CCDC117: variants seen among roughly 807,000 people sequenced by gnomAD.
CCDC117 encodes coiled-coil domain-containing protein 117.
In CCDC117, 1 loss-of-function variant was observed where a neutral mutation model predicts 23.5. That is an observed-to-expected ratio of 0.04 (90% CI 0.02 to 0.20). The LOEUF is 0.20. CCDC117 is among the 10% of genes least tolerant of loss of function. CCDC117 has a pLI of 1.00. For synonymous variants in CCDC117, 132 were observed against 124.8 expected (o/e 1.06, Z -0.39); for missense variants, 383 against 348.2 (o/e 1.10, Z -0.80).
chr22:28,775,458 T>TA (rs1415310339), intron 2 of CCDC117, among the ~76,000 whole-genome samples: 2 of 152,230 alleles, frequency 1.3e-5, no homozygotes, highest in Non-Finnish European at 1.5e-5. Flanking sequence ...TGCTGGGTCT[T>TA]AAAGTGTGTG....
At chr22:28,781,352 T>TTTG (rs2031325292) in intron 3 of CCDC117, among the ~76,000 whole-genome samples, 180 bp downstream of exon 3, 5 of 11,842 alleles carry the variant, frequency 4.2e-4, no homozygotes, top group Non-Finnish European at 6.4e-4. Flanking sequence ...TTTTTTTTTT[T>TTTG]TTTTTTTTTT....
At chr22:28,785,233 G>A (rs2031478103) in intron 4 of CCDC117, among the ~76,000 whole-genome samples, 1 of 151,952 alleles carries the variant, frequency 6.6e-6, no homozygotes, top group African/African-American at 2.4e-5. Context: ...CTGTCACCCA[G>A]GCTGGAGTGT....
Position 28,781,719 on chromosome 22 carries a change from A to G in CCDC117, c.464+547A>G, listed in dbSNP as rs145088883. ...AGTGCAGTGGTGCCATCTTGGCTCA[A>G]TGCAACCTCCACCTCCCGGGTTCAA... is the stretch of plus-strand genomic sequence containing the variant. On this transcript the variant is annotated intron_variant, in intron 3 of 4. Coordinates refer to ENST00000249064, the MANE Select transcript of CCDC117 (RefSeq NM_173510.4). Among the ~76,000 whole-genome samples the G allele has an allele frequency of 6.3e-3, 918 of 146,094 alleles. 11 individuals carry two copies. Among genetic ancestry groups the G allele is most frequent in the African/African-American group, 0.021 (859 of 40,406 alleles).
At chr22:28,786,067 A>T in intron 4 of CCDC117, 22 bp from the exon 5 acceptor site, 2 of 1,553,708 alleles carry the variant, frequency 1.3e-6, no homozygotes, top group Non-Finnish European at 1.7e-6. Context: ...TTTTTGATAA[A>T]AGTCTGTATT....
In CCDC117 at chr22:28,788,455, C is replaced by T. The variant is rs1342548759; in HGVS notation, c.*2129C>T. 1 of 152,316 alleles carries T rather than the reference C, an allele frequency of 6.6e-6. No homozygotes were observed. The highest frequency in any genetic ancestry group is 2.4e-5 in the African/African-American group (1 of 41,436). 9.4% of individuals were successfully genotyped at this position (152,316 alleles called of 1,614,324 possible). A position where few individuals can be genotyped will look rare whatever the true frequency, so the allele number is the denominator to read the frequency against. ...CTTCTACAGGAATTGCTGGGCAGGT[C>T]TCCGACTAAAGGTCTTATGATGAAA... On this transcript the variant is annotated 3_prime_UTR_variant, in exon 5 of 5. Coordinates refer to ENST00000249064, the MANE Select transcript of CCDC117 (RefSeq NM_173510.4).
chr22:28,774,074 T>TG (rs2031086442), intron 2 of CCDC117, among the ~76,000 whole-genome samples: 1 of 146,188 alleles, frequency 6.8e-6, no homozygotes, highest in Admixed American at 6.7e-5. Flanking sequence ...GTTTTTGTTT[T>TG]TTTTTTTTTT....
Position 28,783,616 on chromosome 22 carries a change from AG to A in CCDC117, c.574del (p.Val192PhefsTer6). On this transcript the variant is annotated frameshift_variant, in exon 4 of 5. Transcript: ENST00000249064. LOFTEE classifies it high-confidence loss of function. ...KTGLKREFDEVFTKKMIESMS... is the reference protein window; with the variant it reads ...KTGLKREFDEXFTKKMIESMS... The stretch of plus-strand genomic sequence containing the variant: ...CAGGTTTGAAGAGGGAATTTGATGA[AG>A]TTTTTACAAAGAAAATGATTGAGTC... The A allele has an allele frequency of 6.2e-7, 1 of 1,613,788 alleles. No individual in the cohort carries two copies. The highest frequency in any genetic ancestry group is 8.5e-7 in the Non-Finnish European group (1 of 1,179,822).
intron 4 of CCDC117, among the ~76,000 whole-genome samples, 182 bp from the exon 5 acceptor site, chr22:28,785,907 A>C (rs1212288465): frequency 6.6e-6 from 1 of 150,888 alleles, no homozygotes; most frequent in Non-Finnish European, 1.5e-5. Context: ...TGGACAACAC[A>C]GCAAGACCCC....
chr22:28,784,615 T>G (rs908640291), intron 4 of CCDC117, among the ~76,000 whole-genome samples: 3 of 152,218 alleles, frequency 2.0e-5, no homozygotes, highest in African/African-American at 7.2e-5. Flanking sequence ...AGGTTTTGCA[T>G]TAGGGTCCTA....
At chr22:28,777,345 T>C (rs2031195022) in intron 2 of CCDC117, among the ~76,000 whole-genome samples, 1 of 150,742 alleles carries the variant, frequency 6.6e-6, no homozygotes, top group South Asian at 2.1e-4. Context: ...TTCTATATCT[T>C]AAATTATATT....
chr22:28,786,273 C>A lies in CCDC117; in HGVS notation c.787C>A (p.Leu263Ile), dbSNP rs758902783. The change falls in exon 5 of 5, where the codon CTT becomes ATT. Residue 263 changes from leucine (L) to isoleucine (I), a missense_variant. Physicochemically the swap from Leu to Ile is conservative, Grantham distance 5 (BLOSUM62 2). Coordinates refer to ENST00000249064, the MANE Select transcript of CCDC117 (RefSeq NM_173510.4). Reference sequence around the variant, plus strand: ...GGAACCTCGGCCAACAGGGATGTCTCTTTATAATAGTTTGGAGACAGCTAC... The same window carrying A: ...GGAACCTCGGCCAACAGGGATGTCTATTTATAATAGTTTGGAGACAGCTAC... ...FSEPRPTGMS[L>I]YNSLETATST... 1.2e-5 allele frequency: 20 copies of A among 1,613,996 alleles called. No homozygotes were observed. The highest frequency in any genetic ancestry group is 1.6e-5 in the Non-Finnish European group (19 of 1,180,024).
chr22:28,783,518 G>C lies in CCDC117; in HGVS notation c.475G>C (p.Glu159Gln). The C allele has an allele frequency of 2.5e-6, 4 of 1,612,856 alleles. No homozygotes were observed. In the South Asian group the frequency reaches 4.4e-5, roughly 18 times the overall value. ...LQEIEDRIIDEDEEVEADRNV... is the reference protein window; with the variant it reads ...LQEIEDRIIDQDEEVEADRNV... Reference sequence around the variant, plus strand: ...CCTTAATTGATTTAGGATAATTGATGAAGATGAAGAAGTTGAAGCTGACAG... The same window carrying C: ...CCTTAATTGATTTAGGATAATTGATCAAGATGAAGAAGTTGAAGCTGACAG... Residue 159 changes from glutamate to glutamine, a missense_variant, in exon 4 of 5, where the codon GAA becomes CAA. Physicochemically the swap from Glu to Gln is conservative, Grantham distance 29. Transcript: ENST00000249064.
At chr22:28,773,660 G>A in intron 1 of CCDC117, 65 bp from the exon 2 acceptor site, 3 of 1,309,456 alleles carry the variant, frequency 2.3e-6, no homozygotes, top group Non-Finnish European at 3.3e-6. Flanking sequence ...GAGCAAGAAA[G>A]AGGATACTGA....
At chr22:28,778,002 C>T (rs1026136632) in intron 2 of CCDC117, among the ~76,000 whole-genome samples, 11 of 151,904 alleles carry the variant, frequency 7.2e-5, no homozygotes, top group African/African-American at 9.7e-5. Context: ...CGTGCCACCA[C>T]GCCCGGCAAA....
intron 3 of CCDC117, among the ~76,000 whole-genome samples, 153 bp downstream of exon 3, chr22:28,781,325 TTTTTGTTTTG>T (rs760858945): frequency 1.8e-5 from 2 of 111,564 alleles, no homozygotes; most frequent in South Asian, 3.3e-4. Context: ...CGTTTTTGTT[TTTTTGTTTTG>T]TTTTTTTTTT....
In CCDC117 at chr22:28,773,776, T is replaced by G. The variant is rs752862292; in HGVS notation, c.237T>G (p.Asp79Glu). 8.7e-6 allele frequency: 14 copies of G among 1,612,918 alleles called. No homozygotes were observed. In the East Asian group the frequency reaches 2.7e-4, roughly 31 times the overall value. Residue 79 changes from aspartate (D) to glutamate (E), a missense_variant and splice_region_variant, in exon 2 of 5, where the codon GAT (aspartate) becomes GAG (glutamate). Coordinates refer to ENST00000249064, the MANE Select transcript of CCDC117 (RefSeq NM_173510.4). Reference sequence around the variant, plus strand: ...ACAAGCGAGAGGAGGAGGAGGATGATGAGTAAGTTTCAGTGGTTGTTTATT... The same window carrying G: ...ACAAGCGAGAGGAGGAGGAGGATGAGGAGTAAGTTTCAGTGGTTGTTTATT... Reference protein sequence around the residue: ...KKHKREEEEDDDCPVRKKRIT... With the variant: ...KKHKREEEEDEDCPVRKKRIT...
intron 2 of CCDC117, among the ~76,000 whole-genome samples, chr22:28,774,574 C>T (rs1379188764): frequency 6.6e-6 from 1 of 151,934 alleles, no homozygotes; most frequent in Non-Finnish European, 1.5e-5. Context: ...TGGTGTCTCA[C>T]TATGTTGCCC....
chr22:28,786,114 C>G lies in CCDC117; in HGVS notation c.628C>G (p.Leu210Val). 1 of 1,612,722 alleles carries G rather than the reference C, an allele frequency of 6.2e-7. No individual in the cohort carries two copies. Among genetic ancestry groups the G allele is most frequent in the Non-Finnish European group, 8.5e-7 (1 of 1,179,658 alleles). ...GAGCCGTCCTTCCATGGAGCTTGTTCTCTGGAAACCCCTCCCTGAACTCCT... is the reference window on the plus strand; with the variant it reads ...GAGCCGTCCTTCCATGGAGCTTGTTGTCTGGAAACCCCTCCCTGAACTCCT... ...SMSRPSMELV[L>V]WKPLPELLSD... Residue 210 changes from leucine (L) to valine (V), a missense_variant, in exon 5 of 5, where the codon CTC (leucine) becomes GTC (valine). Leu to Val is a conservative substitution (Grantham distance 32). Transcript: ENST00000249064.
chr22:28,785,973 C>A, intron 4 of CCDC117, 116 bp from the exon 5 acceptor site: 2 of 662,396 alleles, frequency 3.0e-6, no homozygotes, highest in Non-Finnish European at 5.3e-6. Flanking sequence ...TGTTCTAAAT[C>A]TCCTGTTTTG....
Sources: allele counts gnomAD v4.1 joint callset (sites outside exome capture counted in the v4.1 genomes callset), GRCh38; gene constraint gnomAD v4.1.1; transcripts MANE v1.5; gene names NCBI Gene and HGNC (gene_info 2026-07-23, HGNC 2026-07-21).